The following SDK1 variants were observed in gnomAD, a reference collection of about 807,000 sequenced individuals.
The protein encoded by SDK1 is protein sidekick-1.
Under a neutral mutation model 245.5 loss-of-function variants are expected in SDK1, and 157 were observed. The observed-to-expected ratio is 0.64, with a 90% CI of 0.56 to 0.73. The LOEUF is 0.73. Among genes scored for constraint, SDK1 ranks in the 30% least tolerant of loss-of-function variants. The pLI, the probability that SDK1 is intolerant of heterozygous loss-of-function variation, is 0.00. For synonymous variants in SDK1, 1,647 were observed against 1,278.5 expected (o/e 1.29, Z -6.15); for missense variants, 3,583 against 3,002.3 (o/e 1.19, Z -4.52).
chr7:3,495,673 A>G (rs934227385), intron 1 of SDK1, among the ~76,000 whole-genome samples: 1 of 152,218 alleles, frequency 6.6e-6, no homozygotes, highest in Non-Finnish European at 1.5e-5. Flanking sequence ...ACTGTCACCA[A>G]CTACTCCGTG....
intron 4 of SDK1, among the ~76,000 whole-genome samples, chr7:3,698,039 T>C (rs1583318182): frequency 6.6e-6 from 1 of 152,156 alleles, no homozygotes; most frequent in East Asian, 1.9e-4. Flanking sequence ...CTCATTTAGC[T>C]TGCACTGGGT....
chr7:3,350,136 C>T lies in SDK1; in HGVS notation c.298+48252C>T, dbSNP rs527420675. ...AAGTTTAGCTTAGGGAGAGGTAAGC[C>T]ATTTTAAGTCTATCAGTATATAATG... On this transcript the variant is annotated intron_variant, in intron 1 of 44. Transcript: ENST00000404826. Among the ~76,000 whole-genome samples the T allele has an allele frequency of 1.0e-3, 153 of 152,060 alleles. 1 individual carries two copies. The highest frequency in any genetic ancestry group is 2.0e-3 in the Non-Finnish European group (137 of 68,000).
At chr7:3,645,620 A>G (rs1782810140) in intron 4 of SDK1, among the ~76,000 whole-genome samples, 1 of 152,202 alleles carries the variant, frequency 6.6e-6, no homozygotes, top group African/African-American at 2.4e-5. Flanking sequence ...CCTGTTTAAA[A>G]ATTAAAAAAT....
At chr7:3,922,802 A>G (rs1262557985) in intron 5 of SDK1, among the ~76,000 whole-genome samples, 24 of 152,178 alleles carry the variant, frequency 1.6e-4, no homozygotes, top group Admixed American at 1.4e-3. Context: ...TCTTTTTCCA[A>G]GTCGGGGAAG....
chr7:3,814,852 G>C (rs552116103), intron 4 of SDK1, among the ~76,000 whole-genome samples: 5 of 151,592 alleles, frequency 3.3e-5, no homozygotes, highest in African/African-American at 1.2e-4. Flanking sequence ...TGGATTCCTA[G>C]GTATTTTATT....
intron 5 of SDK1, among the ~76,000 whole-genome samples, chr7:3,845,542 T>C (rs1483993752): frequency 1.5e-5 from 2 of 134,490 alleles, no homozygotes; most frequent in Admixed American, 7.6e-5. Context: ...AGATGTGGAG[T>C]GGCCAGGCCT....
intron 5 of SDK1, among the ~76,000 whole-genome samples, chr7:3,915,184 G>C (rs1779326874): frequency 6.6e-6 from 1 of 152,220 alleles, no homozygotes; most frequent in African/African-American, 2.4e-5. Flanking sequence ...GGTAGGATGA[G>C]CCAGAGAAAG....
intron 5 of SDK1, among the ~76,000 whole-genome samples, chr7:3,924,740 A>G (rs1779709483): frequency 6.6e-6 from 1 of 152,190 alleles, no homozygotes; most frequent in South Asian, 2.1e-4. Flanking sequence ...ACCAAGTGGC[A>G]TGAAAGATAC....
At chr7:3,913,443 G>A (rs1010526718) in intron 5 of SDK1, among the ~76,000 whole-genome samples, 3 of 151,838 alleles carry the variant, frequency 2.0e-5, no homozygotes, top group Non-Finnish European at 2.9e-5. Context: ...ACAGGCGCTC[G>A]CCACAACGCC....
chr7:3,556,610 C>G (rs1779594236), intron 1 of SDK1, among the ~76,000 whole-genome samples: 1 of 151,784 alleles, frequency 6.6e-6, no homozygotes, highest in Non-Finnish European at 1.5e-5. Context: ...TATCTCAGGT[C>G]AGGATTTTGA....
In SDK1 at chr7:3,542,672, T is replaced by A. The variant is rs548387304; in HGVS notation, c.299-76408T>A. On this transcript the variant is annotated intron_variant, in intron 1 of 44. Transcript: ENST00000404826. Reference sequence around the variant, plus strand: ...TATTTTAATATCTTTACAATAACTATTGGCTATGCCTTACAGTACTATTGT... The same window carrying A: ...TATTTTAATATCTTTACAATAACTAATGGCTATGCCTTACAGTACTATTGT... Among the ~76,000 whole-genome samples, 14 of 152,376 alleles carry A rather than the reference T, an allele frequency of 9.2e-5. 1 individual carries two copies. Among genetic ancestry groups the A allele is most frequent in the African/African-American group, 3.4e-4 (14 of 41,596 alleles).
At chr7:3,632,679 C>T (rs758948641) in intron 2 of SDK1, among the ~76,000 whole-genome samples, 7 of 152,112 alleles carry the variant, frequency 4.6e-5, no homozygotes, top group South Asian at 2.1e-4. Flanking sequence ...CCATCGTTAC[C>T]ATACTGTTTA....
chr7:3,747,366 G>A (rs958279108), intron 4 of SDK1, among the ~76,000 whole-genome samples: 1 of 152,172 alleles, frequency 6.6e-6, no homozygotes, highest in Non-Finnish European at 1.5e-5. Context: ...ACATGTTTGT[G>A]CTATTTTCTT....
intron 11 of SDK1, 82 bp downstream of exon 11, chr7:3,969,506 A>G (rs1782322943): frequency 4.5e-6 from 5 of 1,107,132 alleles, no homozygotes; most frequent in East Asian, 5.5e-5. Flanking sequence ...GGATGTCAGC[A>G]TGCCCTTGGG....
At chr7:3,642,578 C>G (rs977953559) in intron 4 of SDK1, among the ~76,000 whole-genome samples, 2 of 152,240 alleles carry the variant, frequency 1.3e-5, no homozygotes, top group Admixed American at 1.3e-4. Flanking sequence ...TCCTTTTATC[C>G]TACCATGACA....
At chr7:3,303,267 C>G (rs1393766068) in intron 1 of SDK1, among the ~76,000 whole-genome samples, 1 of 152,130 alleles carries the variant, frequency 6.6e-6, no homozygotes, top group Non-Finnish European at 1.5e-5. Context: ...TTAGAGCAAC[C>G]AGGTTCAAGT....
chr7:3,729,190 A>C (rs1159925185), intron 4 of SDK1, among the ~76,000 whole-genome samples: 1 of 152,204 alleles, frequency 6.6e-6, no homozygotes. Context: ...AATGAAATTA[A>C]GTGTTCTTTA....
intron 5 of SDK1, among the ~76,000 whole-genome samples, chr7:3,903,230 A>G (rs918903175): frequency 6.8e-6 from 1 of 147,624 alleles, no homozygotes; most frequent in Non-Finnish European, 1.5e-5. Context: ...TGCAAGCTCC[A>G]CCTCCCGGGT....
chr7:3,409,467 C>G (rs1263070765), intron 1 of SDK1, among the ~76,000 whole-genome samples: 2 of 152,226 alleles, frequency 1.3e-5, no homozygotes, highest in South Asian at 2.1e-4. Flanking sequence ...CACCCATGGA[C>G]TTTGAAGTGT....
Sources: gnomAD v4.1 joint callset for allele counts (sites outside exome capture counted in the v4.1 genomes callset) on GRCh38, gnomAD v4.1.1 for gene constraint, MANE v1.5 for transcripts, NCBI Gene and HGNC (gene_info 2026-07-23, HGNC 2026-07-21) for gene names.